Variants in PLEKHA5 observed in about 807,000 individuals in gnomAD.
The protein encoded by PLEKHA5 is pleckstrin homology domain-containing family A member 5.
A neutral mutation model predicts 181.9 loss-of-function variants in PLEKHA5; 55 were observed. The ratio of observed to expected loss-of-function variants is 0.30; its 90% CI spans 0.24 to 0.38. The LOEUF is 0.38. Among genes scored for constraint, PLEKHA5 ranks in the 10% least tolerant of loss-of-function variants. The pLI, the probability that PLEKHA5 is intolerant of heterozygous loss-of-function variation, is 1.00. For synonymous variants in PLEKHA5, 535 were observed against 529.4 expected (o/e 1.01, Z -0.15); for missense variants, 1,432 against 1,549.5 (o/e 0.92, Z 1.27).
chr12:19,270,720 A>ATC (rs1179510808), intron 10 of PLEKHA5, among the ~76,000 whole-genome samples: 1 of 152,164 alleles, frequency 6.6e-6, no homozygotes, highest in East Asian at 1.9e-4. Flanking sequence ...AAAAATTATG[A>ATC]TGCAAGTTAA....
chr12:19,165,301 A>G (rs529908503), intron 3 of PLEKHA5, among the ~76,000 whole-genome samples: 77 of 152,314 alleles, frequency 5.1e-4, no homozygotes, highest in African/African-American at 1.6e-3. Context: ...TGTCTATCCC[A>G]TGATCACAGC....
chr12:19,344,790 T>C (rs1052234279), intron 22 of PLEKHA5, among the ~76,000 whole-genome samples: 12 of 152,078 alleles, frequency 7.9e-5, no homozygotes, highest in Non-Finnish European at 1.6e-4. Context: ...AAGTGAATGA[T>C]TAGAAACTGA....
intron 11 of PLEKHA5, among the ~76,000 whole-genome samples, chr12:19,278,176 G>A (rs546832381): frequency 2.3e-4 from 35 of 152,228 alleles, no homozygotes; most frequent in African/African-American, 8.2e-4. Flanking sequence ...CCCCAAATGT[G>A]GTTCCAAAGA....
At chr12:19,191,435 A>G (rs1042332571) in intron 3 of PLEKHA5, among the ~76,000 whole-genome samples, 2 of 152,202 alleles carry the variant, frequency 1.3e-5, no homozygotes, top group Non-Finnish European at 2.9e-5. Flanking sequence ...CCTAGCATCC[A>G]TCACTACCAT....
intron 3 of PLEKHA5, among the ~76,000 whole-genome samples, chr12:19,230,467 C>T (rs369944506): frequency 2.0e-5 from 3 of 152,266 alleles, no homozygotes; most frequent in South Asian, 2.1e-4. Context: ...AGGGGAGGCT[C>T]GGGCATGGCG....
At chr12:19,332,911 C>G (rs534532332) in intron 20 of PLEKHA5, among the ~76,000 whole-genome samples, 1 of 152,312 alleles carries the variant, frequency 6.6e-6, no homozygotes, top group South Asian at 2.1e-4. Context: ...CCATCTCGGC[C>G]TCCTAAACTG....
At chr12:19,149,310 G>A (rs1186386053) in intron 3 of PLEKHA5, among the ~76,000 whole-genome samples, 2 of 151,746 alleles carry the variant, frequency 1.3e-5, no homozygotes, top group African/African-American at 4.8e-5. Context: ...AGACCATCCT[G>A]GCTAGCACGG....
At chr12:19,231,553 T>C (rs2060560364) in intron 3 of PLEKHA5, among the ~76,000 whole-genome samples, 1 of 147,806 alleles carries the variant, frequency 6.8e-6, no homozygotes, top group Non-Finnish European at 1.5e-5. Flanking sequence ...TGTATATATA[T>C]TTATATATGT....
At chr12:19,218,103 A>G (rs996619631) in intron 3 of PLEKHA5, among the ~76,000 whole-genome samples, 1 of 152,120 alleles carries the variant, frequency 6.6e-6, no homozygotes, top group East Asian at 1.9e-4. Context: ...TATTTCAGTA[A>G]ATTAGAAAGT....
At chr12:19,197,184 A>T (rs1354937052) in intron 3 of PLEKHA5, among the ~76,000 whole-genome samples, 1 of 151,844 alleles carries the variant, frequency 6.6e-6, no homozygotes, top group Non-Finnish European at 1.5e-5. Flanking sequence ...TTTTCTCCTG[A>T]CTTCTATGAC....
At chr12:19,304,697 AG>A (rs535239826) in intron 15 of PLEKHA5, among the ~76,000 whole-genome samples, 1 of 152,022 alleles carries the variant, frequency 6.6e-6, no homozygotes, top group Non-Finnish European at 1.5e-5. Context: ...AAGAATTGCC[AG>A]GGCCCAGACC....
At chr12:19,253,345 G>A (rs1341232610) in intron 3 of PLEKHA5, among the ~76,000 whole-genome samples, 4 of 151,308 alleles carry the variant, frequency 2.6e-5, no homozygotes, top group African/African-American at 9.7e-5. Context: ...AAAATGCTGG[G>A]ATTACAGGCG....
intron 3 of PLEKHA5, among the ~76,000 whole-genome samples, chr12:19,133,486 A>G (rs527565125): frequency 3.9e-5 from 6 of 152,150 alleles, no homozygotes; most frequent in African/African-American, 9.6e-5. Context: ...TTAAGACTTC[A>G]GTAGTTTATA....
chr12:19,363,144 T>G (rs1303962917), intron 29 of PLEKHA5, among the ~76,000 whole-genome samples: 2 of 151,310 alleles, frequency 1.3e-5, no homozygotes, highest in Non-Finnish European at 2.9e-5. Context: ...TTGTTGTTTT[T>G]TTGTTTTTGA....
chr12:19,239,586 A>G (rs2062074811), intron 3 of PLEKHA5, among the ~76,000 whole-genome samples: 1 of 152,226 alleles, frequency 6.6e-6, no homozygotes, highest in South Asian at 2.1e-4. Flanking sequence ...TAACAAATAT[A>G]TTATTTTGGA....
intron 3 of PLEKHA5, among the ~76,000 whole-genome samples, chr12:19,212,107 A>G (rs562707720): frequency 2.7e-4 from 41 of 152,316 alleles, no homozygotes; most frequent in African/African-American, 9.1e-4. Context: ...TTAGTTTCCA[A>G]TGACTACTGT....
At chr12:19,211,402 A>T (rs1055875868) in intron 3 of PLEKHA5, among the ~76,000 whole-genome samples, 3 of 151,952 alleles carry the variant, frequency 2.0e-5, no homozygotes, top group African/African-American at 7.3e-5. Context: ...TTAGAAGGGG[A>T]GGTGGGCAGA....
rs1234731125 is a variant in PLEKHA5, at chr12:19,255,183, A to G, written c.432+18A>G. On this transcript the variant is annotated intron_variant, in intron 5 of 31. Coordinates refer to ENST00000429027, the MANE Select transcript of PLEKHA5 (RefSeq NM_001256470.2). ...TAGGCAGAGTAAGTTATTTTGCTTT[A>G]TATTAATTATTGATAAGGAGTAAAC... 3.2e-6 allele frequency: 5 copies of G among 1,543,310 alleles called. No homozygotes were observed. Among genetic ancestry groups the G allele is most frequent in the Non-Finnish European group, 4.4e-6 (5 of 1,131,912 alleles).
At chr12:19,368,025 T>C (rs1306190815) in intron 30 of PLEKHA5, among the ~76,000 whole-genome samples, 1 of 152,138 alleles carries the variant, frequency 6.6e-6, no homozygotes, top group Non-Finnish European at 1.5e-5. Flanking sequence ...CATGGGGTTC[T>C]GGGCAGAACA....
Sources: gnomAD v4.1 joint callset for allele counts (sites outside exome capture counted in the v4.1 genomes callset) on GRCh38, gnomAD v4.1.1 for gene constraint, MANE v1.5 for transcripts, NCBI Gene and HGNC (gene_info 2026-07-23, HGNC 2026-07-21) for gene names.